The following CDYL2 variants were observed in gnomAD, a reference collection of about 807,000 sequenced individuals.
The protein encoded by CDYL2 is chromodomain Y-like protein 2.
CDYL2 carries 23 observed loss-of-function variants against 49.4 expected under a neutral mutation model. That is an observed-to-expected ratio of 0.47 (90% CI 0.34 to 0.66). The LOEUF is 0.66. CDYL2 is among the 30% of genes least tolerant of loss of function. CDYL2 has a pLI of 0.01. For synonymous variants in CDYL2, 360 were observed against 268.8 expected, an observed-to-expected ratio of 1.34 and a Z score of -3.32; for missense variants, 678 against 656.4, an observed-to-expected ratio of 1.03 and a Z score of -0.36.
At chr16:80,609,477 A>C (rs2142361699) in intron 5 of CDYL2, among the ~76,000 whole-genome samples, 1 of 152,334 alleles carries the variant, frequency 6.6e-6, no homozygotes. Flanking sequence ...AGTAGAGGGC[A>C]ATCTTTTATG....
chr16:80,792,396 C>A lies in CDYL2; in HGVS notation c.24+11754G>T, dbSNP rs138926891. Among the ~76,000 whole-genome samples, 723 of 152,206 alleles carry A rather than the reference C, an allele frequency of 4.8e-3. 5 individuals are homozygous for A. Among genetic ancestry groups the A allele is most frequent in the African/African-American group, 0.016 (685 of 41,530 alleles). Reference sequence around the variant, plus strand: ...AAAATATTTCAAGAACAAGAGGTGGCGACCCAAAAGAAGTCACAGCCTCTG... The same window carrying A: ...AAAATATTTCAAGAACAAGAGGTGGAGACCCAAAAGAAGTCACAGCCTCTG... On this transcript the variant is annotated intron_variant, in intron 1 of 6. Coordinates refer to ENST00000570137, the MANE Select transcript of CDYL2 (RefSeq NM_152342.4).
At chr16:80,708,961 C>T (rs955268970) in intron 1 of CDYL2, among the ~76,000 whole-genome samples, 1 of 152,146 alleles carries the variant, frequency 6.6e-6, no homozygotes, top group African/African-American at 2.4e-5. Flanking sequence ...TATCTACATT[C>T]CGAAAATAAA....
Position 80,777,333 on chromosome 16 carries a change from G to C in CDYL2, c.24+26817C>G, listed in dbSNP as rs905150295. ...CATATTATCTAGTTCATAATTAAAA[G>C]TAGAAAAAAAGTAAACAGATGAAGG... On this transcript the variant is annotated intron_variant, in intron 1 of 6. Coordinates refer to ENST00000570137, the MANE Select transcript of CDYL2 (RefSeq NM_152342.4). Among the ~76,000 whole-genome samples the C allele has an allele frequency of 2.6e-5, 4 of 151,294 alleles. No homozygotes were observed. In the South Asian group the frequency reaches 8.4e-4, roughly 32 times the overall value.
chr16:80,750,815 C>T (rs1395598525), intron 1 of CDYL2, among the ~76,000 whole-genome samples: 2 of 152,166 alleles, frequency 1.3e-5, no homozygotes, highest in East Asian at 1.9e-4. Flanking sequence ...CTCAGGAGAT[C>T]GAGACCATCG....
chr16:80,794,395 C>T (rs531723694), intron 1 of CDYL2, among the ~76,000 whole-genome samples: 72 of 152,130 alleles, frequency 4.7e-4, no homozygotes, highest in African/African-American at 1.7e-3. Flanking sequence ...ACTGAAGAAC[C>T]ACTGTTGCTG....
Position 80,804,133 on chromosome 16 carries a change from C to CCCCCGCGT in CDYL2, c.24+9_24+16dup, listed in dbSNP as rs901986824. The CCCCCGCGT allele has an allele frequency of 6.8e-6, 8 of 1,185,036 alleles. No homozygotes were observed. The African/African-American group carries it at 8.3e-5, about 12-fold the overall frequency. 73.4% of individuals were successfully genotyped at this position (1,185,036 alleles called of 1,614,324 possible). A position where few individuals can be genotyped will look rare whatever the true frequency, so the allele number is the denominator to read the frequency against. On this transcript the variant is annotated intron_variant, in intron 1 of 6. Transcript: ENST00000570137. ...GCCCGCTGACTGGGGCCGGCCCGCG[C>CCCCCGCGT]CCCCGCGTCCCCGTACCTCGTAAAG...
chr16:80,773,043 T>C (rs930207028), intron 1 of CDYL2, among the ~76,000 whole-genome samples: 7 of 152,158 alleles, frequency 4.6e-5, no homozygotes, highest in African/African-American at 1.7e-4. Flanking sequence ...TAAACCTAAC[T>C]GTATGCCATT....
chr16:80,681,375 C>T (rs1363888723), intron 2 of CDYL2, among the ~76,000 whole-genome samples: 8 of 152,098 alleles, frequency 5.3e-5, no homozygotes, highest in Admixed American at 5.2e-4. Context: ...AGAAGGAGGA[C>T]ATTCAGGGCT....
At chr16:80,644,233 C>A (rs1908233252) in intron 2 of CDYL2, among the ~76,000 whole-genome samples, 1 of 152,080 alleles carries the variant, frequency 6.6e-6, no homozygotes, top group Non-Finnish European at 1.5e-5. Context: ...TGCTCCAGTT[C>A]CCAACAAATT....
intron 1 of CDYL2, among the ~76,000 whole-genome samples, chr16:80,784,650 T>C (rs965336958): frequency 7.9e-5 from 12 of 152,208 alleles, no homozygotes; most frequent in African/African-American, 2.9e-4. Flanking sequence ...CAGAGCTTTC[T>C]GGAATACTTG....
At chr16:80,678,075 T>G (rs537037114) in intron 2 of CDYL2, among the ~76,000 whole-genome samples, 265 of 152,212 alleles carry the variant, frequency 1.7e-3, no homozygotes, top group East Asian at 0.015. Context: ...AAGCTGAAAC[T>G]GGATCCCTTC....
intron 1 of CDYL2, among the ~76,000 whole-genome samples, chr16:80,720,506 T>C (rs761140692): frequency 2.0e-4 from 31 of 152,180 alleles, no homozygotes; most frequent in Admixed American, 3.9e-4. Context: ...GAAAGGAGGG[T>C]ATGCTCGTCT....
chr16:80,626,485 G>A (rs1907309540), intron 3 of CDYL2, among the ~76,000 whole-genome samples: 1 of 152,170 alleles, frequency 6.6e-6, no homozygotes, highest in South Asian at 2.1e-4. Context: ...GGAAGTGGTG[G>A]AGGTAGTTAC....
intron 2 of CDYL2, among the ~76,000 whole-genome samples, chr16:80,668,860 C>G (rs1179367367): frequency 6.6e-6 from 1 of 152,036 alleles, no homozygotes; most frequent in Non-Finnish European, 1.5e-5. Flanking sequence ...GATCACCCCA[C>G]TGCACTCCAA....
chr16:80,717,508 C>T (rs1395377894), intron 1 of CDYL2, among the ~76,000 whole-genome samples: 1 of 152,170 alleles, frequency 6.6e-6, no homozygotes. Flanking sequence ...AATGACAGCC[C>T]CCAGTCCTCT....
chr16:80,693,751 T>G (rs1479750113), intron 1 of CDYL2, among the ~76,000 whole-genome samples: 1 of 151,724 alleles, frequency 6.6e-6, no homozygotes, highest in South Asian at 2.1e-4. Context: ...CCTATGGGGG[T>G]GGATTCATGA....
At chr16:80,668,104 T>C (rs1483065255) in intron 2 of CDYL2, among the ~76,000 whole-genome samples, 1 of 152,220 alleles carries the variant, frequency 6.6e-6, no homozygotes, top group Non-Finnish European at 1.5e-5. Flanking sequence ...GGTCCCTTTG[T>C]AGGCAGCCCA....
chr16:80,660,534 A>T (rs1200546129), intron 2 of CDYL2, among the ~76,000 whole-genome samples: 1 of 152,212 alleles, frequency 6.6e-6, no homozygotes, highest in African/African-American at 2.4e-5. Context: ...AAAAGCATTA[A>T]AAGGTCAGAA....
At chr16:80,641,970 G>GA (rs1407526137) in intron 2 of CDYL2, among the ~76,000 whole-genome samples, 3 of 151,476 alleles carry the variant, frequency 2.0e-5, no homozygotes, top group East Asian at 1.9e-4. Context: ...CAAGTTCACA[G>GA]AAAAAAACGG....
Sources: allele counts gnomAD v4.1 joint callset (sites outside exome capture counted in the v4.1 genomes callset), GRCh38; gene constraint gnomAD v4.1.1; transcripts MANE v1.5; gene names NCBI Gene and HGNC (gene_info 2026-07-23, HGNC 2026-07-21).